MAN1C1: variants seen among roughly 807,000 people sequenced by gnomAD.
MAN1C1 encodes mannosyl-oligosaccharide 1,2-alpha-mannosidase IC.
A neutral mutation model predicts 71.5 loss-of-function variants in MAN1C1; 49 were observed. The observed-to-expected ratio is 0.69, with a 90% CI of 0.54 to 0.87. The LOEUF is 0.87. Among genes scored for constraint, MAN1C1 ranks in the 40% least tolerant of loss-of-function variants. MAN1C1 has a pLI of 0.00. For missense variants in MAN1C1, 743 were observed against 835.0 expected, an observed-to-expected ratio of 0.89 and a Z score of 1.36; for synonymous variants, 352 against 343.7, an observed-to-expected ratio of 1.02 and a Z score of -0.27.
At chr1:25,664,767 A>C (rs2045897641) in intron 1 of MAN1C1, among the ~76,000 whole-genome samples, 1 of 152,222 alleles carries the variant, frequency 6.6e-6, no homozygotes, top group Admixed American at 6.5e-5. Context: ...TTAAAAGAAA[A>C]GGGGAAGACT....
intron 1 of MAN1C1, among the ~76,000 whole-genome samples, chr1:25,673,659 G>A (rs1281948426): frequency 1.3e-5 from 2 of 152,184 alleles, no homozygotes; most frequent in African/African-American, 4.8e-5. Context: ...TCCAAAGCCA[G>A]GCTCTGAACT....
At chr1:25,718,135 A>G (rs1404181666) in intron 2 of MAN1C1, among the ~76,000 whole-genome samples, 1 of 152,124 alleles carries the variant, frequency 6.6e-6, no homozygotes, top group African/African-American at 2.4e-5. Context: ...CTCATATAGT[A>G]TGATTTCCTT....
chr1:25,703,664 A>G (rs2046477418), intron 2 of MAN1C1, among the ~76,000 whole-genome samples: 1 of 152,106 alleles, frequency 6.6e-6, no homozygotes, highest in African/African-American at 2.4e-5. Context: ...CTGGGCAACA[A>G]GAGCGAAACT....
chr1:25,714,919 G>GTTTT (rs2046660450), intron 2 of MAN1C1, among the ~76,000 whole-genome samples: 1 of 152,098 alleles, frequency 6.6e-6, no homozygotes, highest in Non-Finnish European at 1.5e-5. Context: ...GCACTCTCCA[G>GTTTT]TTTGCAAGAT....
chr1:25,667,911 A>G (rs1371154730), intron 1 of MAN1C1, among the ~76,000 whole-genome samples: 1 of 152,166 alleles, frequency 6.6e-6, no homozygotes, highest in African/African-American at 2.4e-5. Context: ...AAACTCAAGG[A>G]GTGCTTATGG....
intron 6 of MAN1C1, chr1:25,760,049 G>C (rs564125329): frequency 1.3e-5 from 2 of 152,298 alleles, no homozygotes; most frequent in East Asian, 3.9e-4. Flanking sequence ...CAACCTCCCT[G>C]TTGCCATTGC....
intron 1 of MAN1C1, among the ~76,000 whole-genome samples, chr1:25,668,059 G>A (rs947828502): frequency 6.6e-6 from 1 of 152,152 alleles, no homozygotes; most frequent in Non-Finnish European, 1.5e-5. Flanking sequence ...TTATCAGTGG[G>A]TTTTACAAGC....
chr1:25,702,029 C>T (rs1032015473), intron 2 of MAN1C1, among the ~76,000 whole-genome samples: 1 of 152,172 alleles, frequency 6.6e-6, no homozygotes, highest in Admixed American at 6.5e-5. Flanking sequence ...CGCGGCACTC[C>T]AGCCTGGGTG....
intron 1 of MAN1C1, among the ~76,000 whole-genome samples, chr1:25,665,689 A>T (rs1397107811): frequency 1.3e-5 from 2 of 152,012 alleles, no homozygotes; most frequent in Non-Finnish European, 2.9e-5. Context: ...TTGCAGGTGG[A>T]GTCTGTTTGG....
intron 2 of MAN1C1, among the ~76,000 whole-genome samples, chr1:25,712,117 G>C (rs1273044160): frequency 6.6e-6 from 1 of 152,218 alleles, no homozygotes; most frequent in Admixed American, 6.5e-5. Context: ...TTGGCATATA[G>C]TAGGTGCTAA....
chr1:25,730,177 A>G lies in MAN1C1; in HGVS notation c.638-16491A>G, dbSNP rs2124298408. 6.6e-6 allele frequency among the ~76,000 whole-genome samples: 1 copy of G among 152,234 alleles called. No homozygotes were observed. The highest frequency in any genetic ancestry group is 1.5e-5 in the Non-Finnish European group (1 of 68,004). On this transcript the variant is annotated intron_variant, in intron 2 of 11. Transcript: ENST00000374332. The surrounding 1 kb of genome is among the most constrained non-coding windows in gnomAD (Gnocchi z 4.3). Reference sequence around the variant, plus strand: ...AAATCCCTTACCCTTTGAGAACCAGAAAGAGAAATTCCTCAGATTATGGTC... The same window carrying G: ...AAATCCCTTACCCTTTGAGAACCAGGAAGAGAAATTCCTCAGATTATGGTC...
Position 25,753,373 on chromosome 1 carries a change from C to T in MAN1C1, c.835-111C>T, listed in dbSNP as rs956954401. 7.5e-5 allele frequency: 52 copies of T among 694,402 alleles called. No homozygotes were observed. Among genetic ancestry groups the T allele is most frequent in the Admixed American group, 6.6e-4 (21 of 31,818 alleles). 43.0% of individuals were successfully genotyped at this position (694,402 alleles called of 1,614,324 possible). On this transcript the variant is annotated intron_variant, in intron 4 of 11. Coordinates refer to ENST00000374332, the MANE Select transcript of MAN1C1 (RefSeq NM_020379.4). This position sits in a 1 kb window ranked among gnomAD's most constrained non-coding sequence, Gnocchi z 4.9. The stretch of plus-strand genomic sequence containing the variant: ...GGGCTGGTGGACTGCAGCACTGCCC[C>T]CTACTCTAGACCTGCAGCCCTGGGG...
rs561839717 is a variant in MAN1C1, at chr1:25,701,974, C to T, written c.637+15438C>T. Among the ~76,000 whole-genome samples the T allele has an allele frequency of 7.9e-5, 12 of 152,268 alleles. No individual in the cohort carries two copies. The East Asian group carries it at 1.4e-3, about 17-fold the overall frequency. ...ACTTTGGAGGCTGAGGCAGGAGAAT[C>T]GCTTGAACCTGAGAGGCAGAGGTTG... On this transcript the variant is annotated intron_variant, in intron 2 of 11. Coordinates refer to ENST00000374332, the MANE Select transcript of MAN1C1 (RefSeq NM_020379.4).
Position 25,782,939 on chromosome 1 carries a change from G to T in MAN1C1, c.1766+239G>T, listed in dbSNP as rs1037516759. Among the ~76,000 whole-genome samples the T allele has an allele frequency of 1.3e-5, 2 of 152,204 alleles. No individual in the cohort carries two copies. Among genetic ancestry groups the T allele is most frequent in the Non-Finnish European group, 2.9e-5 (2 of 68,028 alleles). ...AGGGACGCACCGTGTGATACCGCAGGTTCCTTCAGTTTCTCGCTTATCTCC... is the reference window on the plus strand; with the variant it reads ...AGGGACGCACCGTGTGATACCGCAGTTTCCTTCAGTTTCTCGCTTATCTCC... On this transcript the variant is annotated intron_variant, in intron 11 of 11. Transcript: ENST00000374332. The surrounding 1 kb of genome is among the most constrained non-coding windows in gnomAD (Gnocchi z 4.4).
Position 25,778,133 on chromosome 1 carries a change from C to T in MAN1C1, c.1286C>T (p.Ser429Phe). 2 of 1,584,546 alleles carry T rather than the reference C, an allele frequency of 1.3e-6. No homozygotes were observed. The highest frequency in any genetic ancestry group is 1.7e-6 in the Non-Finnish European group (2 of 1,161,848). ...ATAGAGACCTACTTGCTGAATGTCTCTCCCGGGGGGCTGACCTACATTGCC... is the reference window on the plus strand; with the variant it reads ...ATAGAGACCTACTTGCTGAATGTCTTTCCCGGGGGGCTGACCTACATTGCC... ...EAIETYLLNVSPGGLTYIAEW... is the reference protein window; with the variant it reads ...EAIETYLLNVFPGGLTYIAEW... The change falls in exon 9 of 12, where the codon TCT becomes TTT. Residue 429 changes from serine to phenylalanine, a missense_variant. Transcript: ENST00000374332. This position sits in a 1 kb window ranked among gnomAD's most constrained non-coding sequence, Gnocchi z 5.5.
intron 2 of MAN1C1, among the ~76,000 whole-genome samples, chr1:25,699,972 A>G (rs955039864): frequency 6.6e-5 from 10 of 152,320 alleles, no homozygotes; most frequent in African/African-American, 2.2e-4. Flanking sequence ...CTATGCAGGG[A>G]TCAATAGGAA....
In MAN1C1 at chr1:25,685,099, G is replaced by A. The variant is rs11801435; in HGVS notation, c.541-1341G>A. On this transcript the variant is annotated intron_variant, in intron 1 of 11. Transcript: ENST00000374332. ...GAGCCAGTATTTTAAAGGTCAAGGA[G>A]GAAATCGAGCTAGTGCTTGTCAATC... Among the ~76,000 whole-genome samples, 1,071 of 152,322 alleles carry A rather than the reference G, an allele frequency of 7.0e-3. 17 individuals are homozygous for A. The highest frequency in any genetic ancestry group is 0.024 in the African/African-American group (1,009 of 41,556).
Position 25,750,903 on chromosome 1 carries a change from G to A in MAN1C1, c.834+1568G>A, listed in dbSNP as rs531830647. Among the ~76,000 whole-genome samples the A allele has an allele frequency of 9.8e-4, 149 of 152,304 alleles. 2 individuals carry two copies. Among genetic ancestry groups the A allele is most frequent in the Admixed American group, 8.4e-3 (129 of 15,302 alleles). ...GGACACAGCTCAGGGCTCTCGGGGCGGTTTGGGGGTGAGCAATTCAGGAAA... is the reference window on the plus strand; with the variant it reads ...GGACACAGCTCAGGGCTCTCGGGGCAGTTTGGGGGTGAGCAATTCAGGAAA... On this transcript the variant is annotated intron_variant, in intron 4 of 11. Coordinates refer to ENST00000374332, the MANE Select transcript of MAN1C1 (RefSeq NM_020379.4).
rs1388345256 is a variant in MAN1C1, at chr1:25,763,734, C to T, written c.1048-140C>T. 3.6e-5 allele frequency: 25 copies of T among 692,608 alleles called. 1 individual carries two copies. In the East Asian group the frequency reaches 5.7e-4, roughly 16 times the overall value. The allele number at this position is 692,608 out of a possible 1,614,324, so 42.9% of individuals were successfully genotyped here. On this transcript the variant is annotated intron_variant, in intron 6 of 11. Coordinates refer to ENST00000374332, the MANE Select transcript of MAN1C1 (RefSeq NM_020379.4). ...CATCCCCGGGTTGGAGCCTGCAGTC[C>T]GTTGGGCAGCTCTCCCTTCCTGCCT...
Sources: allele counts gnomAD v4.1 joint callset (sites outside exome capture counted in the v4.1 genomes callset), GRCh38; gene constraint gnomAD v4.1.1; non-coding constraint Gnocchi (gnomAD v3.1); transcripts MANE v1.5; gene names NCBI Gene and HGNC (gene_info 2026-07-23, HGNC 2026-07-21).